Variants in NUDT3 observed in about 807,000 individuals in gnomAD.
NUDT3 encodes nudix hydrolase 3.
A neutral mutation model predicts 23.6 loss-of-function variants in NUDT3; 9 were observed. The observed-to-expected ratio is 0.38, with a 90% CI of 0.23 to 0.66. The LOEUF is 0.66. NUDT3 is among the 30% of genes least tolerant of loss of function. NUDT3 has a pLI of 0.52. For synonymous variants in NUDT3, 86 were observed against 82.6 expected (o/e 1.04, Z -0.22); for missense variants, 172 against 218.5 (o/e 0.79, Z 1.34).
rs528752221 is a variant in NUDT3, at chr6:34,366,557, C to T, written c.100-24585G>A. On this transcript the variant is annotated intron_variant, in intron 1 of 4. Transcript: ENST00000607016. The stretch of plus-strand genomic sequence containing the variant: ...GGCAGAGAGGAGGCCAGAATGGGAG[C>T]TTACTGTTTTGTTTTTTAGAGACAG... Among the ~76,000 whole-genome samples, 191 of 143,008 alleles carry T rather than the reference C, an allele frequency of 1.3e-3. 1 individual carries two copies. Among genetic ancestry groups the T allele is most frequent in the Middle Eastern group, 7.9e-3 (2 of 252 alleles). 93.8% of individuals were successfully genotyped at this position (143,008 alleles called of 152,430 possible).
At chr6:34,384,301 C>T (rs569970118) in intron 1 of NUDT3, among the ~76,000 whole-genome samples, 2 of 152,318 alleles carry the variant, frequency 1.3e-5, no homozygotes, top group African/African-American at 4.8e-5. Flanking sequence ...AAAAGTACAA[C>T]AAACGAACCT....
intron 4 of NUDT3, 21 bp downstream of exon 4, chr6:34,293,430 G>C (rs1763453106): frequency 1.2e-6 from 2 of 1,613,796 alleles, no homozygotes; most frequent in Non-Finnish European, 1.7e-6. Context: ...ACCCTTTCCA[G>C]GCTGTCTGGA....
chr6:34,287,004 C>T lies in NUDT3; in HGVS notation c.*1749G>A, dbSNP rs909049952. 6.6e-6 allele frequency: 1 copy of T among 151,966 alleles called. No homozygotes were observed. Among genetic ancestry groups the T allele is most frequent in the African/African-American group, 2.4e-5 (1 of 41,384 alleles). 9.4% of individuals were successfully genotyped at this position (151,966 alleles called of 1,614,324 possible). ...ATGTTGGTCAGGCTGGTCTCAAACT[C>T]CTGACCTCAGGTGATCCACCTGCCT... is the stretch of plus-strand genomic sequence containing the variant. On this transcript the variant is annotated 3_prime_UTR_variant, in exon 5 of 5. Coordinates refer to ENST00000607016, the MANE Select transcript of NUDT3 (RefSeq NM_006703.4).
At chr6:34,349,662 C>G (rs1764436749) in intron 1 of NUDT3, among the ~76,000 whole-genome samples, 1 of 150,550 alleles carries the variant, frequency 6.6e-6, no homozygotes, top group Non-Finnish European at 1.5e-5. Context: ...GAGGATCTGA[C>G]CCCTTTCTCC....
chr6:34,364,426 T>G (rs1237571880), intron 1 of NUDT3, among the ~76,000 whole-genome samples: 1 of 152,230 alleles, frequency 6.6e-6, no homozygotes, highest in Non-Finnish European at 1.5e-5. Context: ...CTGTAGAATT[T>G]TTTTTAATAA....
chr6:34,323,026 A>C (rs980078762), intron 2 of NUDT3, among the ~76,000 whole-genome samples: 2 of 152,220 alleles, frequency 1.3e-5, no homozygotes, highest in African/African-American at 4.8e-5. Flanking sequence ...GCATGTTCTC[A>C]CTTATGAGTG....
At chr6:34,332,157 T>C (rs1462315816) in intron 2 of NUDT3, among the ~76,000 whole-genome samples, 1 of 152,106 alleles carries the variant, frequency 6.6e-6, no homozygotes, top group Non-Finnish European at 1.5e-5. Context: ...TTTTTGACTC[T>C]CCCAAAACTT....
chr6:34,340,989 G>A (rs1374091745), intron 2 of NUDT3, among the ~76,000 whole-genome samples: 1 of 152,162 alleles, frequency 6.6e-6, no homozygotes, highest in Non-Finnish European at 1.5e-5. Context: ...ATAGGAATTA[G>A]ACTTGTTGTA....
chr6:34,350,714 CAGAGGAACT>C (rs1486047709), intron 1 of NUDT3, among the ~76,000 whole-genome samples: 1 of 150,422 alleles, frequency 6.6e-6, no homozygotes, highest in Admixed American at 6.6e-5. Context: ...TTTTTAGCTA[CAGAGGAACT>C]AAAAAAAATG....
chr6:34,328,009 A>C (rs1764068209), intron 2 of NUDT3, among the ~76,000 whole-genome samples: 1 of 152,218 alleles, frequency 6.6e-6, no homozygotes, highest in Non-Finnish European at 1.5e-5. Flanking sequence ...ATTAAAAGCT[A>C]ATGATTAATA....
At chr6:34,346,444 C>T (rs964518588) in intron 1 of NUDT3, among the ~76,000 whole-genome samples, 1 of 151,988 alleles carries the variant, frequency 6.6e-6, no homozygotes, top group Non-Finnish European at 1.5e-5. Flanking sequence ...AAGTTACAGT[C>T]CAAAAGAAAA....
In NUDT3 at chr6:34,288,090, A is replaced by G. The variant is rs1197903518; in HGVS notation, c.*663T>C. 1.3e-5 allele frequency: 2 copies of G among 152,264 alleles called. No homozygotes were observed. Among genetic ancestry groups the G allele is most frequent in the Non-Finnish European group, 2.9e-5 (2 of 68,048 alleles). The allele number at this position is 152,264 out of a possible 1,614,324, so 9.4% of individuals were successfully genotyped here. ...TATCTACAGTCAATGACTGGGAAAT[A>G]GAGAAAGGACAGGGCAACCTGCCCA... On this transcript the variant is annotated 3_prime_UTR_variant, in exon 5 of 5. Coordinates refer to ENST00000607016, the MANE Select transcript of NUDT3 (RefSeq NM_006703.4).
intron 2 of NUDT3, among the ~76,000 whole-genome samples, chr6:34,302,724 A>G (rs1381517954): frequency 6.6e-6 from 1 of 151,996 alleles, no homozygotes; most frequent in African/African-American, 2.4e-5. Flanking sequence ...AGAGCGAGAG[A>G]CTCCGTCTCA....
At chr6:34,334,989 A>G (rs1764186505) in intron 2 of NUDT3, among the ~76,000 whole-genome samples, 1 of 151,618 alleles carries the variant, frequency 6.6e-6, no homozygotes, top group Non-Finnish European at 1.5e-5. Flanking sequence ...AAGAGAGAGA[A>G]GAGAGAGAGA....
chr6:34,286,328 G>A lies in NUDT3; in HGVS notation c.*2425C>T, dbSNP rs1763333163. On this transcript the variant is annotated 3_prime_UTR_variant, in exon 5 of 5. Transcript: ENST00000607016. The stretch of plus-strand genomic sequence containing the variant: ...ACTCCTGGCCTCAAGTGACCCACCT[G>A]CCTTGGCCTCCCAAAGTGCTGGGAT... The A allele has an allele frequency of 6.6e-6, 1 of 152,372 alleles. No individual in the cohort carries two copies. The highest frequency in any genetic ancestry group is 1.5e-5 in the Non-Finnish European group (1 of 68,122). The allele number at this position is 152,372 out of a possible 1,614,324, so 9.4% of individuals were successfully genotyped here.
intron 2 of NUDT3, among the ~76,000 whole-genome samples, chr6:34,334,634 A>AAAAAAAG (rs974847372): frequency 6.6e-6 from 1 of 151,558 alleles, no homozygotes; most frequent in African/African-American, 2.4e-5. Flanking sequence ...ACTCCATCTC[A>AAAAAAAG]AAAAAAGAAA....
chr6:34,326,682 C>G (rs1764036501), intron 2 of NUDT3, among the ~76,000 whole-genome samples: 1 of 151,864 alleles, frequency 6.6e-6, no homozygotes, highest in South Asian at 2.1e-4. Flanking sequence ...CTCACTGCAA[C>G]CTCTGCCTCC....
At chr6:34,334,039 C>T (rs1042556039) in intron 2 of NUDT3, among the ~76,000 whole-genome samples, 4 of 152,154 alleles carry the variant, frequency 2.6e-5, no homozygotes, top group Admixed American at 6.5e-5. Context: ...GAGCCATTGG[C>T]GCGTGACCAG....
intron 3 of NUDT3, among the ~76,000 whole-genome samples, chr6:34,294,005 T>TGA (rs1461644223): frequency 6.6e-6 from 1 of 152,064 alleles, no homozygotes; most frequent in Admixed American, 6.6e-5. Flanking sequence ...CCTTATTTTT[T>TGA]GAGAGAGAGC....
Sources: allele counts gnomAD v4.1 joint callset (sites outside exome capture counted in the v4.1 genomes callset), GRCh38; gene constraint gnomAD v4.1.1; transcripts MANE v1.5; gene names NCBI Gene and HGNC (gene_info 2026-07-23, HGNC 2026-07-21).